NTRK2: variants seen among roughly 807,000 people sequenced by gnomAD.
NTRK2 encodes the protein BDNF/NT-3 growth factors receptor.
NTRK2 carries 13 observed loss-of-function variants against 94.5 expected under a neutral mutation model. The observed-to-expected ratio is 0.14, with a 90% CI of 0.09 to 0.22. NTRK2 has a LOEUF of 0.22. Among genes scored for constraint, NTRK2 ranks in the 10% least tolerant of loss-of-function variants. NTRK2 has a pLI of 1.00. For synonymous variants in NTRK2, 372 were observed against 407.4 expected (o/e 0.91, Z 1.05); for missense variants, 639 against 1,071.2 (o/e 0.60, Z 5.63).
intron 12 of NTRK2, among the ~76,000 whole-genome samples, chr9:84,781,496 C>A (rs555049886): frequency 1.3e-5 from 2 of 152,120 alleles, no homozygotes; most frequent in African/African-American, 2.4e-5. Context: ...AAAGACCTAG[C>A]CTTTTTTGCT....
At chr9:84,821,184 A>G (rs1398827323) in intron 12 of NTRK2, among the ~76,000 whole-genome samples, 1 of 152,106 alleles carries the variant, frequency 6.6e-6, no homozygotes, top group East Asian at 1.9e-4. Flanking sequence ...ACTCAAGACA[A>G]ACACCATAAA....
intron 12 of NTRK2, among the ~76,000 whole-genome samples, chr9:84,820,106 G>A (rs1226020870): frequency 1.3e-5 from 2 of 151,040 alleles, no homozygotes; most frequent in Non-Finnish European, 2.9e-5. Context: ...GAAAATATGA[G>A]TATAATTTTT....
At chr9:84,976,546 C>T (rs1447115651) in intron 17 of NTRK2, among the ~76,000 whole-genome samples, 1 of 152,156 alleles carries the variant, frequency 6.6e-6, no homozygotes, top group African/African-American at 2.4e-5. Flanking sequence ...GAATATCTCC[C>T]TGGGAAACTT....
chr9:84,902,864 A>G (rs1468690043), intron 14 of NTRK2, among the ~76,000 whole-genome samples: 1 of 152,200 alleles, frequency 6.6e-6, no homozygotes, highest in Non-Finnish European at 1.5e-5. Context: ...TAGTTATTTC[A>G]TCTGTAAAAT....
intron 12 of NTRK2, among the ~76,000 whole-genome samples, chr9:84,783,986 C>T (rs2067874032): frequency 6.6e-6 from 1 of 152,094 alleles, no homozygotes; most frequent in South Asian, 2.1e-4. Context: ...GTGGGACTGC[C>T]ACTGGGTTAG....
intron 12 of NTRK2, among the ~76,000 whole-genome samples, chr9:84,776,101 C>CTTT (rs2067004322): frequency 1.3e-5 from 2 of 152,038 alleles, no homozygotes; most frequent in Non-Finnish European, 1.5e-5. Context: ...CTCTGAGGCA[C>CTTT]ACAGTTGGTA....
At chr9:85,020,015 G>T (rs1832644303) in intron 17 of NTRK2, among the ~76,000 whole-genome samples, 191 bp from the exon 18 acceptor site, 1 of 152,142 alleles carries the variant, frequency 6.6e-6, no homozygotes, top group Non-Finnish European at 1.5e-5. Flanking sequence ...TTTTTTAAAT[G>T]ATTTTGATCA....
chr9:84,982,899 T>C (rs1269961093), intron 17 of NTRK2, among the ~76,000 whole-genome samples: 1 of 152,180 alleles, frequency 6.6e-6, no homozygotes, highest in African/African-American at 2.4e-5. Flanking sequence ...ATGGAAAATA[T>C]GTATGTATTC....
At chr9:84,963,385 T>G (rs1421813483) in intron 17 of NTRK2, among the ~76,000 whole-genome samples, 1 of 152,224 alleles carries the variant, frequency 6.6e-6, no homozygotes, top group African/African-American at 2.4e-5. Context: ...ACATTGACCT[T>G]ATGCATCATG....
chr9:85,018,514 C>T (rs1832486920), intron 17 of NTRK2, among the ~76,000 whole-genome samples: 1 of 152,200 alleles, frequency 6.6e-6, no homozygotes, highest in Non-Finnish European at 1.5e-5. Flanking sequence ...TGAGATCATT[C>T]TACCCTCATA....
intron 12 of NTRK2, among the ~76,000 whole-genome samples, chr9:84,798,902 C>A (rs1478013205): frequency 9.2e-6 from 1 of 108,326 alleles, no homozygotes; most frequent in Non-Finnish European, 1.9e-5. Context: ...ATGCCAGACA[C>A]TTCTAAGTGC....
At chr9:84,972,459 G>C (rs1826297164) in intron 17 of NTRK2, among the ~76,000 whole-genome samples, 1 of 152,192 alleles carries the variant, frequency 6.6e-6, no homozygotes, top group Non-Finnish European at 1.5e-5. Flanking sequence ...TCAGTGACTG[G>C]TTTTGTAAAC....
intron 12 of NTRK2, among the ~76,000 whole-genome samples, chr9:84,852,445 G>T (rs1489244274): frequency 6.6e-6 from 1 of 152,232 alleles, no homozygotes; most frequent in Admixed American, 6.5e-5. Flanking sequence ...TCTCACTGGG[G>T]TGGTACTGTA....
chr9:84,994,442 C>G (rs777565140), intron 17 of NTRK2, among the ~76,000 whole-genome samples: 1 of 152,194 alleles, frequency 6.6e-6, no homozygotes, highest in Non-Finnish European at 1.5e-5. Context: ...GCAAGCTACA[C>G]GGAGCACAGG....
At chr9:84,700,836 G>A (rs986727782) in intron 2 of NTRK2, among the ~76,000 whole-genome samples, 1 of 152,074 alleles carries the variant, frequency 6.6e-6, no homozygotes, top group East Asian at 1.9e-4. Flanking sequence ...AAAAGAAAGG[G>A]GAGATTTCCT....
At chr9:84,765,029 C>T (rs187074662) in intron 12 of NTRK2, among the ~76,000 whole-genome samples, 12 of 152,222 alleles carry the variant, frequency 7.9e-5, no homozygotes, top group Admixed American at 5.9e-4. Flanking sequence ...CTCATGGACA[C>T]AGACAGTAGA....
chr9:84,999,712 T>G (rs1017309750), intron 17 of NTRK2, among the ~76,000 whole-genome samples: 5 of 152,240 alleles, frequency 3.3e-5, no homozygotes, highest in Middle Eastern at 3.2e-3. Flanking sequence ...TTCGCTTTCC[T>G]AAGCCCTCCT....
At chr9:84,854,425 G>A (rs562830788) in intron 12 of NTRK2, among the ~76,000 whole-genome samples, 1 of 152,154 alleles carries the variant, frequency 6.6e-6, no homozygotes, top group African/African-American at 2.4e-5. Flanking sequence ...TGTTTCTAGG[G>A]GAGCTGGTCT....
chr9:84,758,178 AGTCTTTTGACTTTTTGATAGT>A (rs376976333), intron 12 of NTRK2, among the ~76,000 whole-genome samples: 8,828 of 151,890 alleles, frequency 0.058, 353 homozygotes, highest in Non-Finnish European at 0.084. Context: ...ATTTTCTTCT[AGTCTTTTGACTTTTTGATAGT>A]GTCTTTTGGT....
Sources: gnomAD v4.1 joint callset for allele counts (sites outside exome capture counted in the v4.1 genomes callset) on GRCh38, gnomAD v4.1.1 for gene constraint, MANE v1.5 for transcripts, NCBI Gene and HGNC (gene_info 2026-07-23, HGNC 2026-07-21) for gene names.